The following GPCPD1 variants were observed in gnomAD, a reference collection of about 807,000 sequenced individuals.
GPCPD1 encodes the protein glycerophosphocholine phosphodiesterase 1.
Under a neutral mutation model 89.2 loss-of-function variants are expected in GPCPD1, and 29 were observed. The ratio of observed to expected loss-of-function variants is 0.33; its 90% CI spans 0.24 to 0.44. The LOEUF (loss-of-function observed/expected upper bound fraction) is 0.44. GPCPD1 is among the 20% of genes least tolerant of loss of function. The pLI, the probability that GPCPD1 is intolerant of heterozygous loss-of-function variation, is 1.00. For synonymous variants in GPCPD1, 258 were observed against 266.3 expected (o/e 0.97, Z 0.30); for missense variants, 594 against 808.9 (o/e 0.73, Z 3.22).
intron 12 of GPCPD1, 92 bp from the exon 13 acceptor site, chr20:5,567,652 T>G: frequency 6.1e-6 from 7 of 1,142,748 alleles, no homozygotes; most frequent in Non-Finnish European, 8.5e-6. Context: ...ATGCTTACAC[T>G]AGACAGGCCT....
chr20:5,561,403 A>T, intron 16 of GPCPD1, 62 bp downstream of exon 16: 1 of 879,140 alleles, frequency 1.1e-6, no homozygotes, highest in Non-Finnish European at 1.8e-6. Context: ...AAAGACAGGA[A>T]TGAAAGAATT....
chr20:5,559,183 A>G (rs1046745735), intron 17 of GPCPD1, among the ~76,000 whole-genome samples: 1 of 152,170 alleles, frequency 6.6e-6, no homozygotes, highest in Non-Finnish European at 1.5e-5. Flanking sequence ...CCTGGGCAAC[A>G]GAACAAGACT....
Position 5,575,418 on chromosome 20 carries a change from A to C in GPCPD1, c.996T>G (p.Thr332=). The C allele has an allele frequency of 1.2e-6, 2 of 1,605,744 alleles. No homozygotes were observed. Among genetic ancestry groups the C allele is most frequent in the Non-Finnish European group, 1.7e-6 (2 of 1,174,562 alleles). ...GHRGAGNSTT[T]AQLAKVQENT... ...TACTCAAATATTCAACTTACTGGGC[A>C]GTTGTTGTAGAGTTTCCTGCACCTC... The change falls in exon 10 of 20, where the codon ACT becomes ACG. Residue 332 remains threonine, a synonymous_variant. Coordinates refer to ENST00000379019, the MANE Select transcript of GPCPD1 (RefSeq NM_019593.5).
At chr20:5,599,932 G>T (rs1209089701) in intron 2 of GPCPD1, among the ~76,000 whole-genome samples, 2 of 152,100 alleles carry the variant, frequency 1.3e-5, no homozygotes, top group African/African-American at 4.8e-5. Flanking sequence ...CCAACATAAA[G>T]CTACCACCTC....
At chr20:5,580,827 C>T (rs1000472586) in intron 6 of GPCPD1, among the ~76,000 whole-genome samples, 5 of 151,408 alleles carry the variant, frequency 3.3e-5, no homozygotes, top group Admixed American at 1.3e-4. Flanking sequence ...AGAAAAGATC[C>T]TGGTTCTATC....
At chr20:5,581,506 G>T (rs1978481852) in intron 6 of GPCPD1, among the ~76,000 whole-genome samples, 1 of 152,136 alleles carries the variant, frequency 6.6e-6, no homozygotes, top group South Asian at 2.1e-4. Flanking sequence ...AACTAGTTAT[G>T]CCACTAGTGC....
intron 19 of GPCPD1, among the ~76,000 whole-genome samples, chr20:5,557,260 A>G (rs1030833640): frequency 6.6e-6 from 1 of 152,170 alleles, no homozygotes; most frequent in African/African-American, 2.4e-5. Flanking sequence ...CCCTCTCACT[A>G]CTGTACTAAG....
intron 11 of GPCPD1, among the ~76,000 whole-genome samples, chr20:5,572,996 C>A (rs1196787720): frequency 2.6e-5 from 4 of 152,086 alleles, no homozygotes; most frequent in African/African-American, 2.4e-5. Flanking sequence ...CTCAGACTCC[C>A]AAGTAGGTGG....
rs374185410 is a variant in GPCPD1, at chr20:5,578,462, C to A, written c.623G>T (p.Gly208Val). ...CRHSQPECGYGLQPDRWTEYS... is the reference protein window; with the variant it reads ...CRHSQPECGYVLQPDRWTEYS... The stretch of plus-strand genomic sequence containing the variant: ...CTCTGTCCAACGATCAGGCTGCAAG[C>A]CATAACCACACTCCGGCTGTGAATG... The change falls in exon 8 of 20, where the codon GGC (glycine) becomes GTC (valine). Residue 208 changes from glycine to valine, a missense_variant. Coordinates refer to ENST00000379019, the MANE Select transcript of GPCPD1 (RefSeq NM_019593.5). 3 of 1,613,992 alleles carry A rather than the reference C, an allele frequency of 1.9e-6. No individual in the cohort carries two copies. Among genetic ancestry groups the A allele is most frequent in the African/African-American group, 1.3e-5 (1 of 74,944 alleles).
rs1489734106 is a variant in GPCPD1 at position 5,545,569 on chromosome 20, G to A, written c.*2092C>T. On this transcript the variant is annotated 3_prime_UTR_variant, in exon 20 of 20. Transcript: ENST00000379019. ...CCCAGGCAGAGGACACACGGGCACA[G>A]AGAGGAAGTCCAGGGCCAATGACAG... 2 of 152,544 alleles carry A rather than the reference G, an allele frequency of 1.3e-5. No individual in the cohort carries two copies. Among genetic ancestry groups the A allele is most frequent in the Non-Finnish European group, 2.9e-5 (2 of 68,310 alleles). 9.4% of individuals were successfully genotyped at this position (152,544 alleles called of 1,614,324 possible). A position where few individuals can be genotyped will look rare whatever the true frequency, so the allele number is the denominator to read the frequency against.
chr20:5,570,920 AAAAG>A (rs906304272), intron 11 of GPCPD1, among the ~76,000 whole-genome samples: 2 of 152,214 alleles, frequency 1.3e-5, no homozygotes, highest in African/African-American at 4.8e-5. Context: ...TTTAAAGAAA[AAAAG>A]AAAGAAAGAA....
Position 5,575,988 on chromosome 20 carries a change from T to C in GPCPD1, c.706-10A>G, listed in dbSNP as rs777827331. The C allele has an allele frequency of 1.3e-6, 2 of 1,540,288 alleles. No individual in the cohort carries two copies. Among genetic ancestry groups the C allele is most frequent in the Admixed American group, 1.8e-5 (1 of 56,272 alleles). On this transcript the variant is annotated splice_polypyrimidine_tract_variant and intron_variant, in intron 8 of 19. Coordinates refer to ENST00000379019, the MANE Select transcript of GPCPD1 (RefSeq NM_019593.5). ...GCTCACTGAGATCTTCCTGAAAAAA[T>C]GAGATTTAAAATAATCTTAATTTTT...
At chr20:5,601,942 T>C (rs368857997) in intron 2 of GPCPD1, among the ~76,000 whole-genome samples, 1 of 152,210 alleles carries the variant, frequency 6.6e-6, no homozygotes, top group East Asian at 1.9e-4. Flanking sequence ...CTTTCTTTAA[T>C]TGGCTCTCAG....
intron 5 of GPCPD1, chr20:5,585,972 A>T (rs892384273): frequency 7.2e-6 from 3 of 415,832 alleles, no homozygotes; most frequent in African/African-American, 6.2e-5. Flanking sequence ...AACCCAAGAA[A>T]ACAAAAATAT....
chr20:5,563,329 C>T (rs953529545), intron 15 of GPCPD1, among the ~76,000 whole-genome samples: 2 of 151,880 alleles, frequency 1.3e-5, no homozygotes, highest in African/African-American at 4.8e-5. Flanking sequence ...AATGAGTTTG[C>T]GTGTGTGTTT....
intron 12 of GPCPD1, 26 bp from the exon 13 acceptor site, chr20:5,567,586 A>C (rs1986461733): frequency 6.6e-7 from 1 of 1,518,734 alleles, no homozygotes; most frequent in South Asian, 1.3e-5. Context: ...AAAGAAAGAA[A>C]GAAAAAGAAA....
intron 15 of GPCPD1, among the ~76,000 whole-genome samples, chr20:5,564,688 T>G (rs112594844): frequency 0.012 from 1,839 of 152,164 alleles, 42 homozygotes; most frequent in African/African-American, 0.04. Context: ...AATAAAAAAA[T>G]TAGCCAGGCA....
intron 19 of GPCPD1, among the ~76,000 whole-genome samples, chr20:5,554,902 C>T (rs1985661601): frequency 6.6e-6 from 1 of 152,156 alleles, no homozygotes; most frequent in South Asian, 2.1e-4. Flanking sequence ...TCAACATTAA[C>T]AGGCATTTGG....
At chr20:5,554,488 G>A (rs1985634063) in intron 19 of GPCPD1, among the ~76,000 whole-genome samples, 1 of 152,168 alleles carries the variant, frequency 6.6e-6, no homozygotes, top group South Asian at 2.1e-4. Context: ...GGGCCCTTCA[G>A]AATTACGCTA....
Sources: gnomAD v4.1 joint callset for allele counts (sites outside exome capture counted in the v4.1 genomes callset) on GRCh38, gnomAD v4.1.1 for gene constraint, MANE v1.5 for transcripts, NCBI Gene and HGNC (gene_info 2026-07-23, HGNC 2026-07-21) for gene names.